The following MXRA5 variants were observed in gnomAD, a reference collection of about 807,000 sequenced individuals.
MXRA5 encodes matrix-remodeling-associated protein 5.
Under a neutral mutation model 112.5 loss-of-function variants are expected in MXRA5, and 41 were observed. The ratio of observed to expected loss-of-function variants is 0.36; its 90% CI spans 0.28 to 0.47. The LOEUF (loss-of-function observed/expected upper bound fraction) is 0.47. Ranked by LOEUF, MXRA5 falls within the 20% of genes least tolerant of loss-of-function variation. The pLI is 0.99. For synonymous variants in MXRA5, 862 were observed against 900.8 expected (o/e 0.96, Z 0.77); for missense variants, 2,150 against 2,251.0 (o/e 0.96, Z 0.91).
intron 2 of MXRA5, among the ~76,000 whole-genome samples, chrX:3,334,902 T>C (rs944401023): frequency 9.0e-6 from 1 of 111,443 alleles, no homozygotes; most frequent in African/African-American, 3.3e-5. Flanking sequence ...ACTCACTAAA[T>C]AAAATAAAGT....
At position 3,310,299 on chromosome X, in the gene MXRA5, A is replaced by G. The variant is rs1400207544; in HGVS notation, c.7904T>C (p.Leu2635Pro). The change falls in exon 7 of 7, where the codon CTG (leucine) becomes CCG (proline). Residue 2635 changes from leucine (L) to proline (P), a missense_variant. Leu to Pro is a moderately conservative substitution (Grantham distance 98). Transcript: ENST00000217939. ...TERLVSLKVG[L>P]KPEANKQYHN... ...ATACTGCTTGTTTGCTTCTGGCTTC[A>G]GTCCCACCTTCAGGGAGACCAGCCT... 3 of 1,206,773 alleles carry G rather than the reference A, an allele frequency of 2.5e-6. No homozygotes were observed. Among genetic ancestry groups the G allele is most frequent in the African/African-American group, 3.5e-5 (2 of 56,751 alleles).
chrX:3,323,171 A>C lies in MXRA5; in HGVS notation c.2514T>G (p.Ala838=). The C allele has an allele frequency of 8.3e-7, 1 of 1,211,627 alleles. No homozygotes were observed. Among genetic ancestry groups the C allele is most frequent in the Non-Finnish European group, 1.1e-6 (1 of 895,521 alleles). Residue 838 remains alanine, a synonymous_variant, in exon 5 of 7, where the codon GCT becomes GCG. Transcript: ENST00000217939. ...SASPVQTVTS[A]EESSADVPLL... Reference sequence around the variant, plus strand: ...GAGGTACATCTGCTGAGGATTCTTCAGCACTGGTTACTGTCTGCACAGGAG... The same window carrying C: ...GAGGTACATCTGCTGAGGATTCTTCCGCACTGGTTACTGTCTGCACAGGAG...
At chrX:3,336,601 T>C (rs939993210) in intron 2 of MXRA5, among the ~76,000 whole-genome samples, 4 of 111,699 alleles carry the variant, frequency 3.6e-5, no homozygotes, top group African/African-American at 1.3e-4. Context: ...GTGGTGAAAA[T>C]GTTTGGAACA....
chrX:3,310,213 C>A lies in MXRA5; in HGVS notation c.7990G>T (p.Ala2664Ser). The change falls in exon 7 of 7, where the codon GCT (alanine) becomes TCT (serine). Residue 2664 changes from alanine to serine, a missense_variant. Coordinates refer to ENST00000217939, the MANE Select transcript of MXRA5 (RefSeq NM_015419.4). ...GTCCAGGAGAAACGTCCCTGCCCAG[C>A]CCCGGGAGGGGTGCAGGGGAGCTTC... ...TLKLPCTPPG[A>S]GQGRFSWTLP... 1.7e-6 allele frequency: 2 copies of A among 1,211,855 alleles called. No individual in the cohort carries two copies. The highest frequency in any genetic ancestry group is 2.2e-6 in the Non-Finnish European group (2 of 895,452).
Position 3,322,229 on chromosome X carries a change from G to T in MXRA5, c.3456C>A (p.Asn1152Lys). The change falls in exon 5 of 7, where the codon AAC becomes AAA. Residue 1152 changes from asparagine (N) to lysine (K), a missense_variant. Physicochemically the swap from Asn to Lys is moderately conservative, Grantham distance 94. Coordinates refer to ENST00000217939, the MANE Select transcript of MXRA5 (RefSeq NM_015419.4). ...MSTHPSRRRP[N>K]GRRRLRPNKF... Reference sequence around the variant, plus strand: ...TGTTGGGGCGTAATCTCCTTCTCCCGTTGGGTCTCCTTCGAGAAGGGTGAG... The same window carrying T: ...TGTTGGGGCGTAATCTCCTTCTCCCTTTGGGTCTCCTTCGAGAAGGGTGAG... The T allele has an allele frequency of 8.4e-7, 1 of 1,194,110 alleles. No homozygotes were observed. Among genetic ancestry groups the T allele is most frequent in the Non-Finnish European group, 1.1e-6 (1 of 886,010 alleles).
At chrX:3,335,493 G>C (rs779843131) in intron 2 of MXRA5, among the ~76,000 whole-genome samples, 1 of 112,614 alleles carries the variant, frequency 8.9e-6, no homozygotes, top group Admixed American at 9.4e-5. Context: ...CACTGCGCCT[G>C]GCCGCCATTT....
chrX:3,332,276 C>T (rs1039733750), intron 2 of MXRA5, among the ~76,000 whole-genome samples: 5 of 110,400 alleles, frequency 4.5e-5, no homozygotes, highest in Non-Finnish European at 7.6e-5. Flanking sequence ...GACGGAGTCT[C>T]GCTCTGTCGC....
chrX:3,337,956 T>G (rs998429313), intron 2 of MXRA5, among the ~76,000 whole-genome samples: 11 of 111,217 alleles, frequency 9.9e-5, no homozygotes, highest in African/African-American at 3.6e-4. Flanking sequence ...GGGAAAGAAT[T>G]CAAAGCTGTA....
At position 3,334,122 on chromosome X, in the gene MXRA5, C is replaced by T. The variant is rs139982093; in HGVS notation, c.189-3349G>A. Among the ~76,000 whole-genome samples the T allele has an allele frequency of 3.0e-3, 334 of 111,797 alleles. 3 individuals carry two copies. The highest frequency in any genetic ancestry group is 0.01 in the African/African-American group (314 of 30,785). ...TCAGCCTTCTAAGTAGCTGTGACTA[C>T]AAGCACACACCACCACACCTGGCTA... On this transcript the variant is annotated intron_variant, in intron 2 of 6. Coordinates refer to ENST00000217939, the MANE Select transcript of MXRA5 (RefSeq NM_015419.4).
intron 2 of MXRA5, among the ~76,000 whole-genome samples, chrX:3,337,475 GTATC>G (rs888372489): frequency 3.6e-4 from 40 of 111,548 alleles, no homozygotes; most frequent in Middle Eastern, 4.7e-3. Flanking sequence ...CCCTCTGTCT[GTATC>G]TATCTATCTA....
rs144346765 is a variant in MXRA5 at position 3,323,902 on chromosome X, C to G, written c.1783G>C (p.Val595Leu). The change falls in exon 5 of 7, where the codon GTG becomes CTG. Residue 595 changes from valine to leucine, a missense_variant. Physicochemically the swap from Val to Leu is conservative, Grantham distance 32 (BLOSUM62 1). Around this residue, in one of 6 missense-constraint regions of MXRA5, gnomAD observed 1,485 missense variants for 1,471.6 expected, o/e 1.01. Coordinates refer to ENST00000217939, the MANE Select transcript of MXRA5 (RefSeq NM_015419.4). ...VTIGKNPGES[V>L]TLPCNALAIP... ...GCTAAAGCATTGCAAGGCAATGTCA[C>G]CGACTCCCCTGGGTTCTTGCCAATT... The G allele has an allele frequency of 8.3e-7, 1 of 1,207,884 alleles. No homozygotes were observed. Among genetic ancestry groups the G allele is most frequent in the East Asian group, 3.0e-5 (1 of 33,806 alleles).
chrX:3,324,813 C>T lies in MXRA5; in HGVS notation c.872G>A (p.Ser291Asn). The stretch of plus-strand genomic sequence containing the variant: ...TTCCTGTTCTTGCTCCTCCTCAATA[C>T]TCCTGCTCCTGTTCTGTCTCAGAGG... ...ESPLRQNRSR[S>N]IEEEQEQEED... Residue 291 changes from serine (S) to asparagine (N), a missense_variant, in exon 5 of 7, where the codon AGT becomes AAT. By Grantham distance (46) the Ser-to-Asn change is conservative (BLOSUM62 1). Coordinates refer to ENST00000217939, the MANE Select transcript of MXRA5 (RefSeq NM_015419.4). The T allele has an allele frequency of 8.3e-7, 1 of 1,211,390 alleles. No homozygotes were observed. The highest frequency in any genetic ancestry group is 1.8e-5 in the South Asian group (1 of 56,881).
At position 3,320,564 on chromosome X, in the gene MXRA5, G is replaced by T. The variant is rs774924750; in HGVS notation, c.5121C>A (p.Ile1707=). The T allele has an allele frequency of 1.2e-5, 15 of 1,211,949 alleles. No homozygotes were observed. Among genetic ancestry groups the T allele is most frequent in the Non-Finnish European group, 1.6e-5 (14 of 895,536 alleles). The change falls in exon 5 of 7, where the codon ATC becomes ATA. Residue 1707 remains isoleucine (I), a synonymous_variant. Coordinates refer to ENST00000217939, the MANE Select transcript of MXRA5 (RefSeq NM_015419.4). ...TTCCAACTGGGTTTCTTGCCTCAGG[G>T]ATGTTGTTATTTCCAAACACTTTGG... is the stretch of plus-strand genomic sequence containing the variant. ...GYSKVFGNNN[I]PEARNPVGKP...
At chrX:3,328,445 G>T (rs1921563688) in intron 4 of MXRA5, among the ~76,000 whole-genome samples, 1 of 111,652 alleles carries the variant, frequency 9.0e-6, no homozygotes, top group African/African-American at 3.3e-5. Context: ...CTTCTTGGAG[G>T]GAATGTGCAA....
chrX:3,345,283 C>T (rs765398185), intron 1 of MXRA5, among the ~76,000 whole-genome samples: 5 of 113,153 alleles, frequency 4.4e-5, no homozygotes, highest in Middle Eastern at 4.6e-3. Context: ...GAACTGATGG[C>T]GCACAGGTAG....
At chrX:3,335,219 T>C (rs1921755461) in intron 2 of MXRA5, among the ~76,000 whole-genome samples, 1 of 111,742 alleles carries the variant, frequency 8.9e-6, no homozygotes, top group South Asian at 3.7e-4. Flanking sequence ...TCATTTGAGA[T>C]AGAGTCTCCC....
chrX:3,325,777 T>C (rs1190701548), intron 4 of MXRA5, among the ~76,000 whole-genome samples: 21 of 38,229 alleles, frequency 5.5e-4, no homozygotes, highest in African/African-American at 1.2e-3. Flanking sequence ...TAAGTCATGA[T>C]ATAACAATAT....
intron 5 of MXRA5, 59 bp downstream of exon 5, chrX:3,319,949 C>T: frequency 1.1e-6 from 1 of 891,250 alleles, no homozygotes; most frequent in Non-Finnish European, 1.6e-6. Flanking sequence ...TATTATATTG[C>T]TAGCCAATAA....
In MXRA5 at chrX:3,319,435, A is replaced by G. The variant is rs758596772; in HGVS notation, c.5677+573T>C. Among the ~76,000 whole-genome samples the G allele has an allele frequency of 2.7e-5, 3 of 112,484 alleles. No individual in the cohort carries two copies. The East Asian group carries it at 8.5e-4, about 32-fold the overall frequency. ...TTACTAGAGACACAGCCTCTCCCTT[A>G]TTTATTTATGCTCATGCTGTTCTCC... On this transcript the variant is annotated intron_variant, in intron 5 of 6. Transcript: ENST00000217939.
Sources: gnomAD v4.1 joint callset for allele counts (sites outside exome capture counted in the v4.1 genomes callset) on GRCh38, gnomAD v4.1.1 for gene constraint, gnomAD v4.1.1 regional missense constraint, MANE v1.5 for transcripts, NCBI Gene and HGNC (gene_info 2026-07-23, HGNC 2026-07-21) for gene names.